CDIN1: variants seen among roughly 807,000 people sequenced by gnomAD.
CDIN1 encodes the protein CDAN1-interacting nuclease 1.
In CDIN1, 33 loss-of-function variants were observed where a neutral mutation model predicts 45.3. The ratio of observed to expected loss-of-function variants is 0.73; its 90% CI spans 0.55 to 0.97. The LOEUF (loss-of-function observed/expected upper bound fraction) is 0.97, where lower values mean the gene tolerates loss of function less well. Among genes scored for constraint, CDIN1 ranks in the 50% least tolerant of loss-of-function variants. The pLI is 0.00. For missense variants in CDIN1, 303 were observed against 339.4 expected (o/e 0.89, Z 0.84); for synonymous variants, 118 against 124.4 (o/e 0.95, Z 0.34).
intron 10 of CDIN1, among the ~76,000 whole-genome samples, chr15:36,760,595 C>A (rs1443780994): frequency 1.3e-5 from 2 of 152,182 alleles, no homozygotes; most frequent in Non-Finnish European, 2.9e-5. Flanking sequence ...ATGCATTTGT[C>A]TCTTCCACAG....
chr15:36,703,003 C>A (rs899347603), intron 8 of CDIN1, among the ~76,000 whole-genome samples: 9 of 150,138 alleles, frequency 6.0e-5, no homozygotes, highest in African/African-American at 2.0e-4. Flanking sequence ...GAGTTTGAGA[C>A]CAGACTGGGC....
chr15:36,651,235 GC>G (rs2040565993), intron 3 of CDIN1, among the ~76,000 whole-genome samples: 1 of 152,124 alleles, frequency 6.6e-6, no homozygotes, highest in Non-Finnish European at 1.5e-5. Flanking sequence ...TTGGATGTTT[GC>G]CAGGGTTGGA....
intron 5 of CDIN1, among the ~76,000 whole-genome samples, chr15:36,670,553 C>T (rs2041413269): frequency 6.6e-6 from 1 of 152,102 alleles, no homozygotes; most frequent in Admixed American, 6.6e-5. Flanking sequence ...CATCAATATA[C>T]AGGTGAATTC....
intron 5 of CDIN1, chr15:36,668,002 AG>A (rs1184785952): frequency 6.6e-6 from 1 of 152,176 alleles, no homozygotes; most frequent in Non-Finnish European, 1.5e-5. Flanking sequence ...TGTATTTTAA[AG>A]GGGATTCCCT....
intron 10 of CDIN1, among the ~76,000 whole-genome samples, chr15:36,788,134 G>GAGAC (rs1485470106): frequency 0.011 from 327 of 30,356 alleles, 4 homozygotes; most frequent in African/African-American, 0.033. Flanking sequence ...TTTTTTTTTT[G>GAGAC]AGACAGAGTT....
chr15:36,716,752 G>A (rs2043228801), intron 10 of CDIN1, among the ~76,000 whole-genome samples: 1 of 152,160 alleles, frequency 6.6e-6, no homozygotes, highest in South Asian at 2.1e-4. Flanking sequence ...GCTAGCCGTA[G>A]CATTCTTAGC....
At chr15:36,754,528 T>G (rs957953241) in intron 10 of CDIN1, among the ~76,000 whole-genome samples, 5 of 132,972 alleles carry the variant, frequency 3.8e-5, no homozygotes, top group Non-Finnish European at 6.3e-5. Context: ...TTTTGAAAAC[T>G]CCCTCTTTAA....
intron 1 of CDIN1, among the ~76,000 whole-genome samples, chr15:36,598,647 C>G (rs1412644079): frequency 6.6e-6 from 1 of 152,060 alleles, no homozygotes; most frequent in Non-Finnish European, 1.5e-5. Flanking sequence ...TCTCAAGTGC[C>G]ACGTCTAATC....
chr15:36,730,345 T>C (rs1453074594), intron 10 of CDIN1, among the ~76,000 whole-genome samples: 6 of 152,194 alleles, frequency 3.9e-5, no homozygotes, highest in African/African-American at 7.2e-5. Flanking sequence ...AAATGTTTCA[T>C]GTTGGTAATA....
intron 4 of CDIN1, among the ~76,000 whole-genome samples, chr15:36,656,536 G>A (rs2040789748): frequency 6.6e-6 from 1 of 152,052 alleles, no homozygotes; most frequent in East Asian, 1.9e-4. Flanking sequence ...GAAGCACTAT[G>A]CATTTTATTT....
At chr15:36,613,230 T>C (rs55950812) in intron 1 of CDIN1, among the ~76,000 whole-genome samples, 6,935 of 152,258 alleles carry the variant, frequency 0.046, 387 homozygotes, top group African/African-American at 0.13. Flanking sequence ...AATGGATGTG[T>C]GTGTTTGGTA....
chr15:36,580,072 A>G, intron 1 of CDIN1, 111 bp downstream of exon 1: 1 of 912,034 alleles, frequency 1.1e-6, no homozygotes, highest in South Asian at 1.7e-5. Context: ...GAGGAACACC[A>G]GTGTCAGGCG....
chr15:36,677,512 T>C (rs757738141), intron 5 of CDIN1, among the ~76,000 whole-genome samples: 1 of 152,118 alleles, frequency 6.6e-6, no homozygotes, highest in African/African-American at 2.4e-5. Flanking sequence ...CTCAATCTAC[T>C]TCCATGTGAA....
chr15:36,806,981 G>A (rs190630704), intron 10 of CDIN1, among the ~76,000 whole-genome samples: 34 of 152,244 alleles, frequency 2.2e-4, no homozygotes, highest in Admixed American at 8.5e-4. Context: ...AGTGGGCCTG[G>A]TGCTCCAAGG....
intron 1 of CDIN1, among the ~76,000 whole-genome samples, chr15:36,608,824 G>T (rs1396174919): frequency 6.6e-6 from 1 of 151,830 alleles, no homozygotes; most frequent in African/African-American, 2.4e-5. Flanking sequence ...AAAAAAACTT[G>T]GCAAGCAATC....
chr15:36,618,851 A>G, intron 1 of CDIN1: 3 of 876,128 alleles, frequency 3.4e-6, no homozygotes, highest in Non-Finnish European at 5.9e-6. Flanking sequence ...TTCTCCTCCA[A>G]GTACTACAAA....
At chr15:36,802,407 C>T (rs948847060) in intron 10 of CDIN1, among the ~76,000 whole-genome samples, 2 of 151,980 alleles carry the variant, frequency 1.3e-5, no homozygotes, top group Admixed American at 6.6e-5. Context: ...GATCTAGAAG[C>T]TCAGCTGGCT....
chr15:36,768,997 A>T (rs1303961804), intron 10 of CDIN1, among the ~76,000 whole-genome samples: 2 of 152,128 alleles, frequency 1.3e-5, no homozygotes, highest in Non-Finnish European at 2.9e-5. Context: ...TATAAAAAAA[A>T]ATTGCAAAAG....
chr15:36,641,151 C>A (rs2040088503), intron 1 of CDIN1: 1 of 152,146 alleles, frequency 6.6e-6, no homozygotes, highest in South Asian at 2.1e-4. Context: ...TGTCTCAAAG[C>A]CCTTCATCAT....
Sources: allele counts gnomAD v4.1 joint callset (sites outside exome capture counted in the v4.1 genomes callset), GRCh38; gene constraint gnomAD v4.1.1; transcripts MANE v1.5; gene names NCBI Gene and HGNC (gene_info 2026-07-23, HGNC 2026-07-21).